Variants in RXFP1 observed in about 807,000 individuals in gnomAD.
The protein encoded by RXFP1 is relaxin family peptide receptor 1.
Under a neutral mutation model 89.8 loss-of-function variants are expected in RXFP1, and 73 were observed. That is an observed-to-expected ratio of 0.81 (90% CI 0.67 to 0.99). RXFP1 has a LOEUF of 0.99. RXFP1 is among the 50% of genes least tolerant of loss of function. The probability of loss-of-function intolerance (pLI) is 0.00; values close to 1 mark genes in which losing one functional copy is unlikely to be tolerated. For synonymous variants in RXFP1, 277 were observed against 305.5 expected, an observed-to-expected ratio of 0.91 and a Z score of 0.97; for missense variants, 793 against 895.5, an observed-to-expected ratio of 0.89 and a Z score of 1.46.
At chr4:158,546,981 A>T (rs578017225) in intron 1 of RXFP1, among the ~76,000 whole-genome samples, 5,740 of 151,926 alleles carry the variant, frequency 0.038, 354 homozygotes, top group African/African-American at 0.13. Context: ...GTTAGGGAGG[A>T]TTCCCTCTTT....
chr4:158,533,386 A>G (rs1030146170), intron 1 of RXFP1, among the ~76,000 whole-genome samples: 2 of 152,200 alleles, frequency 1.3e-5, no homozygotes, highest in African/African-American at 4.8e-5. Context: ...ATAAATGGAC[A>G]TTACCCTAAA....
At chr4:158,547,949 G>A (rs979106192) in intron 1 of RXFP1, among the ~76,000 whole-genome samples, 1 of 152,184 alleles carries the variant, frequency 6.6e-6, no homozygotes, top group Non-Finnish European at 1.5e-5. Context: ...GGAAAGTTCT[G>A]TAGATATCTA....
At chr4:158,593,598 TGGAAATCAG>T in intron 3 of RXFP1, 99 bp downstream of exon 3, 2 of 621,116 alleles carry the variant, frequency 3.2e-6, no homozygotes, top group Non-Finnish European at 5.2e-6. Flanking sequence ...CATCTCAATC[TGGAAATCAG>T]TTTTAATTAA....
chr4:158,549,260 G>A (rs559631699), intron 1 of RXFP1, among the ~76,000 whole-genome samples: 1 of 152,186 alleles, frequency 6.6e-6, no homozygotes, highest in Admixed American at 6.5e-5. Flanking sequence ...TGAGGCTTCT[G>A]CATTCTTCAC....
chr4:158,555,307 T>C (rs938559165), intron 1 of RXFP1, among the ~76,000 whole-genome samples: 1 of 152,198 alleles, frequency 6.6e-6, no homozygotes, highest in African/African-American at 2.4e-5. Context: ...TTGAAACGCT[T>C]AAGGTTTTAG....
At chr4:158,603,011 G>A (rs1761974455) in intron 4 of RXFP1, among the ~76,000 whole-genome samples, 1 of 152,172 alleles carries the variant, frequency 6.6e-6, no homozygotes, top group Non-Finnish European at 1.5e-5. Flanking sequence ...GCTCACTGCA[G>A]CCTTGACCTC....
Position 158,548,162 on chromosome 4 carries a change from A to G in RXFP1, c.50-24536A>G, listed in dbSNP as rs1167670860. On this transcript the variant is annotated intron_variant, in intron 1 of 17. Transcript: ENST00000307765. ...TATTGGGTGCACATATATTTAGGAT[A>G]GTTAGCTCTTATTGTTGAATTGATC... is the stretch of plus-strand genomic sequence containing the variant. 2.6e-5 allele frequency among the ~76,000 whole-genome samples: 4 copies of G among 152,236 alleles called. No individual in the cohort carries two copies. The South Asian group carries it at 8.3e-4, about 31-fold the overall frequency.
At chr4:158,544,255 A>T (rs538425549) in intron 1 of RXFP1, 5 of 985,280 alleles carry the variant, frequency 5.1e-6, no homozygotes, top group Non-Finnish European at 6.0e-6. Flanking sequence ...ATTTACATAC[A>T]TCATGTTTGT....
intron 3 of RXFP1, among the ~76,000 whole-genome samples, chr4:158,594,984 T>C (rs1383778337): frequency 1.3e-5 from 2 of 152,180 alleles, no homozygotes; most frequent in African/African-American, 4.8e-5. Context: ...TTTTCTAAGG[T>C]TGCATTATCC....
chr4:158,549,280 G>A (rs528284481), intron 1 of RXFP1, among the ~76,000 whole-genome samples: 23 of 152,102 alleles, frequency 1.5e-4, no homozygotes, highest in Middle Eastern at 6.8e-3. Context: ...CGTAGTTCTC[G>A]AGCCTTGGCT....
chr4:158,636,561 CTTAA>C (rs1445353770), intron 12 of RXFP1, among the ~76,000 whole-genome samples: 1 of 152,130 alleles, frequency 6.6e-6, no homozygotes, highest in African/African-American at 2.4e-5. Context: ...AGTGTTTTAT[CTTAA>C]TTAATTCACT....
intron 1 of RXFP1, among the ~76,000 whole-genome samples, chr4:158,549,810 A>T (rs1714931636): frequency 6.6e-6 from 1 of 152,174 alleles, no homozygotes; most frequent in African/African-American, 2.4e-5. Flanking sequence ...TTCCTCTGGA[A>T]GTTTTGTCTC....
chr4:158,563,531 CA>C lies in RXFP1; in HGVS notation c.50-9166del, dbSNP rs1561017041. Among the ~76,000 whole-genome samples the C allele has an allele frequency of 9.1e-3, 1,368 of 150,064 alleles. 18 individuals carry two copies. Among genetic ancestry groups the C allele is most frequent in the African/African-American group, 0.031 (1,290 of 41,194 alleles). On this transcript the variant is annotated intron_variant, in intron 1 of 17. Transcript: ENST00000307765. Reference sequence around the variant, plus strand: ...ACACACACACACACACACACACACACACACACCCCAACAGGAATACTGAAAT... The same window carrying C: ...ACACACACACACACACACACACACACCACACCCCAACAGGAATACTGAAAT...
At chr4:158,558,827 G>T (rs140761962) in intron 1 of RXFP1, among the ~76,000 whole-genome samples, 29 of 152,260 alleles carry the variant, frequency 1.9e-4, no homozygotes, top group African/African-American at 7.0e-4. Context: ...AGCAAGCTAA[G>T]TGATCAGTAT....
rs940336261 is a variant in RXFP1, at chr4:158,648,193, A to G, written c.1757-306A>G. Among the ~76,000 whole-genome samples the G allele has an allele frequency of 2.6e-5, 4 of 152,232 alleles. No homozygotes were observed. In the South Asian group the frequency reaches 8.3e-4, roughly 32 times the overall value. ...CATCTCTAAAAAAATTAAAAATAAAACATCACTAATACTAGAAAGCTTAAA... is the reference window on the plus strand; with the variant it reads ...CATCTCTAAAAAAATTAAAAATAAAGCATCACTAATACTAGAAAGCTTAAA... On this transcript the variant is annotated intron_variant, in intron 16 of 17. Transcript: ENST00000307765.
At chr4:158,636,126 G>A (rs1769105752) in intron 12 of RXFP1, among the ~76,000 whole-genome samples, 1 of 152,202 alleles carries the variant, frequency 6.6e-6, no homozygotes, top group African/African-American at 2.4e-5. Flanking sequence ...TAAGAAGGCA[G>A]GTGCTTGTAG....
In RXFP1 at chr4:158,549,523, C is replaced by T. The variant is rs75669814; in HGVS notation, c.50-23175C>T. On this transcript the variant is annotated intron_variant, in intron 1 of 17. Transcript: ENST00000307765. Reference sequence around the variant, plus strand: ...CTGCGTTCCTTTGGAGGAGGAGAGGCGCTCTGCTTTTTAGAGTTTCCAGTT... The same window carrying T: ...CTGCGTTCCTTTGGAGGAGGAGAGGTGCTCTGCTTTTTAGAGTTTCCAGTT... Among the ~76,000 whole-genome samples, 115 of 152,266 alleles carry T rather than the reference C, an allele frequency of 7.6e-4. 1 individual carries two copies. The highest frequency in any genetic ancestry group is 2.3e-3 in the African/African-American group (94 of 41,528).
At chr4:158,539,388 G>A (rs1281765231) in intron 1 of RXFP1, among the ~76,000 whole-genome samples, 1 of 151,958 alleles carries the variant, frequency 6.6e-6, no homozygotes, top group African/African-American at 2.4e-5. Flanking sequence ...GTTAAATGAC[G>A]AGTTAATGGG....
In RXFP1 at chr4:158,593,382, T is replaced by C; in HGVS notation, c.188-19T>C. ...ATCTCTGTTCCTTGAACTTTTTTGT[T>C]CTCTGATTTTTATTTTAGGAGACAA... On this transcript the variant is annotated intron_variant, in intron 2 of 17. Coordinates refer to ENST00000307765, the MANE Select transcript of RXFP1 (RefSeq NM_021634.4). The C allele has an allele frequency of 1.3e-6, 2 of 1,535,490 alleles. No homozygotes were observed. Among genetic ancestry groups the C allele is most frequent in the Non-Finnish European group, 1.8e-6 (2 of 1,112,080 alleles).
Sources: gnomAD v4.1 joint callset for allele counts (sites outside exome capture counted in the v4.1 genomes callset) on GRCh38, gnomAD v4.1.1 for gene constraint, MANE v1.5 for transcripts, NCBI Gene and HGNC (gene_info 2026-07-23, HGNC 2026-07-21) for gene names.